CSMD3: variants seen among roughly 807,000 people sequenced by gnomAD.
CSMD3 encodes CUB and sushi domain-containing protein 3.
CSMD3 carries 177 observed loss-of-function variants against 435.2 expected under a neutral mutation model. That is an observed-to-expected ratio of 0.41 (90% CI 0.36 to 0.46). The LOEUF (loss-of-function observed/expected upper bound fraction) is 0.46. CSMD3 is among the 20% of genes least tolerant of loss of function. The pLI, the probability that CSMD3 is intolerant of heterozygous loss-of-function variation, is 0.34. For missense variants in CSMD3, 4,265 were observed against 4,504.6 expected (o/e 0.95, Z 1.52); for synonymous variants, 1,656 against 1,520.5 (o/e 1.09, Z -2.07).
intron 65 of CSMD3, among the ~76,000 whole-genome samples, chr8:112,243,565 T>C (rs1171084749): frequency 1.3e-5 from 2 of 152,032 alleles, no homozygotes; most frequent in African/African-American, 4.8e-5. Flanking sequence ...GATTTGGAGA[T>C]GGGATCCATT....
chr8:112,790,111 A>G (rs2078649111), intron 13 of CSMD3, among the ~76,000 whole-genome samples: 3 of 151,688 alleles, frequency 2.0e-5, no homozygotes, highest in Non-Finnish European at 4.4e-5. Context: ...TGTGGTAAGT[A>G]CTGTGGGGTT....
intron 22 of CSMD3, among the ~76,000 whole-genome samples, chr8:112,615,311 C>T (rs577484380): frequency 1.7e-3 from 260 of 152,160 alleles, no homozygotes; most frequent in Non-Finnish European, 2.6e-3. Flanking sequence ...TAGCATTTGA[C>T]AAAAGTTGAA....
chr8:112,342,661 T>C (rs773361710), intron 41 of CSMD3, among the ~76,000 whole-genome samples: 1 of 152,016 alleles, frequency 6.6e-6, no homozygotes, highest in Non-Finnish European at 1.5e-5. Flanking sequence ...GCATTCAGAC[T>C]CTTAAGCTTA....
At chr8:113,380,046 A>G (rs2094408425) in intron 1 of CSMD3, among the ~76,000 whole-genome samples, 1 of 152,066 alleles carries the variant, frequency 6.6e-6, no homozygotes, top group Admixed American at 6.6e-5. Flanking sequence ...AAAAAGGCAA[A>G]CTTGCCCCCA....
chr8:112,601,790 A>G (rs1311918266), intron 22 of CSMD3, among the ~76,000 whole-genome samples: 1 of 152,190 alleles, frequency 6.6e-6, no homozygotes, highest in Non-Finnish European at 1.5e-5. Flanking sequence ...TTCAATTAAT[A>G]TTTTTATATA....
chr8:112,448,468 G>A (rs1196321469), intron 32 of CSMD3, among the ~76,000 whole-genome samples: 1 of 152,122 alleles, frequency 6.6e-6, no homozygotes, highest in Non-Finnish European at 1.5e-5. Context: ...ACAGAGGAAA[G>A]ATGTTCATGT....
chr8:112,492,692 C>A lies in CSMD3; in HGVS notation c.5084-9G>T, dbSNP rs1820818743. ...GGACTCTCGCAGTTTTGCTGTAAAA[C>A]AGTGTTAGTATAACATTAATTGCTT... On this transcript the variant is annotated splice_polypyrimidine_tract_variant and intron_variant, in intron 30 of 70. Transcript: ENST00000297405. 1 of 1,610,216 alleles carries A rather than the reference C, an allele frequency of 6.2e-7. No homozygotes were observed. The highest frequency in any genetic ancestry group is 8.5e-7 in the Non-Finnish European group (1 of 1,176,532).
At chr8:112,868,277 A>G (rs1346823243) in intron 10 of CSMD3, among the ~76,000 whole-genome samples, 1 of 152,100 alleles carries the variant, frequency 6.6e-6, no homozygotes, top group Non-Finnish European at 1.5e-5. Context: ...AGACCTGTCT[A>G]AGGCTGTTTT....
chr8:113,061,216 C>G (rs144577850), intron 5 of CSMD3, among the ~76,000 whole-genome samples: 1 of 152,118 alleles, frequency 6.6e-6, no homozygotes, highest in East Asian at 1.9e-4. Context: ...ATTGCATGCA[C>G]ATCACTCTTG....
chr8:112,724,848 C>A (rs1390258780), intron 13 of CSMD3, among the ~76,000 whole-genome samples: 2 of 152,000 alleles, frequency 1.3e-5, no homozygotes, highest in Non-Finnish European at 2.9e-5. Flanking sequence ...GGAACTGAAA[C>A]CCTCGAATAA....
chr8:113,118,923 G>C (rs1227380069), intron 4 of CSMD3, among the ~76,000 whole-genome samples: 2 of 152,052 alleles, frequency 1.3e-5, no homozygotes, highest in Non-Finnish European at 2.9e-5. Flanking sequence ...TTAAATGACA[G>C]GTTCACTGCT....
At chr8:113,278,839 C>T in intron 2 of CSMD3, 135 bp from the exon 3 acceptor site, 1 of 613,606 alleles carries the variant, frequency 1.6e-6, no homozygotes, top group East Asian at 3.1e-5. Flanking sequence ...TGCTATCCAG[C>T]CAACACCTTG....
At chr8:112,803,339 A>G (rs2079004034) in intron 12 of CSMD3, among the ~76,000 whole-genome samples, 1 of 152,168 alleles carries the variant, frequency 6.6e-6, no homozygotes. Context: ...ATTTCCCTAC[A>G]AAGGACAAGG....
chr8:112,888,366 A>G (rs1397355715), intron 10 of CSMD3, among the ~76,000 whole-genome samples: 1 of 151,680 alleles, frequency 6.6e-6, no homozygotes, highest in African/African-American at 2.4e-5. Flanking sequence ...CTTAAAGCCA[A>G]TGGAGTGCTA....
intron 2 of CSMD3, chr8:113,309,230 T>C (rs2093848256): frequency 6.6e-6 from 1 of 152,140 alleles, no homozygotes; most frequent in African/African-American, 2.4e-5. Context: ...AATGATTTTA[T>C]TATAATTTCA....
At chr8:112,394,424 C>T (rs1458995656) in intron 35 of CSMD3, among the ~76,000 whole-genome samples, 1 of 152,140 alleles carries the variant, frequency 6.6e-6, no homozygotes, top group Non-Finnish European at 1.5e-5. Context: ...ATATCACTCC[C>T]CAGCTCAATA....
chr8:113,419,839 C>A (rs2094601478), intron 1 of CSMD3, among the ~76,000 whole-genome samples: 1 of 151,956 alleles, frequency 6.6e-6, no homozygotes, highest in Non-Finnish European at 1.5e-5. Context: ...TAGAGATCAT[C>A]ATTTAACTAT....
At chr8:112,559,760 A>T (rs964103731) in intron 24 of CSMD3, among the ~76,000 whole-genome samples, 1 of 151,914 alleles carries the variant, frequency 6.6e-6, no homozygotes, top group Non-Finnish European at 1.5e-5. Context: ...CCGTAGCTAT[A>T]TAGTTTCTTC....
chr8:113,388,072 G>A (rs1445560415), intron 1 of CSMD3, among the ~76,000 whole-genome samples: 1 of 151,642 alleles, frequency 6.6e-6, no homozygotes, highest in Non-Finnish European at 1.5e-5. Flanking sequence ...GAATAGGCCA[G>A]AAAGGGATGC....
Sources: allele counts gnomAD v4.1 joint callset (sites outside exome capture counted in the v4.1 genomes callset), GRCh38; gene constraint gnomAD v4.1.1; transcripts MANE v1.5; gene names NCBI Gene and HGNC (gene_info 2026-07-23, HGNC 2026-07-21).